The following HOPX variants were observed in gnomAD, a reference collection of about 807,000 sequenced individuals.
The protein encoded by HOPX is HOP homeobox, also known as homeodomain-only protein.
Under a neutral mutation model 11.8 loss-of-function variants are expected in HOPX, and 5 were observed. The ratio of observed to expected loss-of-function variants is 0.43; its 90% CI spans 0.22 to 0.89. The LOEUF is 0.89. Among genes scored for constraint, HOPX ranks in the 40% least tolerant of loss-of-function variants. The probability of loss-of-function intolerance (pLI) is 0.28; values close to 1 mark genes in which losing one functional copy is unlikely to be tolerated. For synonymous variants in HOPX, 49 were observed against 49.7 expected (o/e 0.99, Z 0.06); for missense variants, 119 against 120.0 (o/e 0.99, Z 0.04).
intron 1 of HOPX, among the ~76,000 whole-genome samples, chr4:56,660,930 T>C (rs903459943): frequency 7.9e-5 from 12 of 152,164 alleles, no homozygotes; most frequent in African/African-American, 2.4e-4. Context: ...CTGAATTTTG[T>C]GTTAATCATT....
chr4:56,655,723 G>A (rs1717627359), intron 3 of HOPX, 134 bp downstream of exon 3: 3 of 1,065,756 alleles, frequency 2.8e-6, no homozygotes, highest in Admixed American at 2.4e-5. Flanking sequence ...GGGCCCCTGG[G>A]ATGCGGGCAG....
rs1719037829 is a variant in HOPX, at chr4:56,676,773, C to A, written c.-84+4482G>T. Among the ~76,000 whole-genome samples, 4 of 151,792 alleles carry A rather than the reference C, an allele frequency of 2.6e-5. No homozygotes were observed. The South Asian group carries it at 8.3e-4, about 31-fold the overall frequency. On this transcript the variant is annotated intron_variant, in intron 1 of 3. Coordinates refer to ENST00000420433, the MANE Select transcript of HOPX (RefSeq NM_032495.6). ...AATGTGTCCTCTGGCTGCAGGGCTGCTCTGGGCTCCGACTGCCTGCAGACT... is the reference window on the plus strand; with the variant it reads ...AATGTGTCCTCTGGCTGCAGGGCTGATCTGGGCTCCGACTGCCTGCAGACT...
chr4:56,664,926 T>C (rs1718349509), intron 1 of HOPX: 1 of 152,188 alleles, frequency 6.6e-6, no homozygotes, highest in Admixed American at 6.5e-5. Flanking sequence ...GAGATTGTCA[T>C]GGCCTATGAG....
At chr4:56,666,186 C>T (rs1371259959) in intron 1 of HOPX, among the ~76,000 whole-genome samples, 11 of 152,220 alleles carry the variant, frequency 7.2e-5, no homozygotes, top group Non-Finnish European at 1.0e-4. Context: ...CTTCCCCACA[C>T]GCTCTTCTTC....
rs1371450365 is a variant in HOPX, at chr4:56,657,799, G to A, written c.18C>T (p.Gly6=). 2 of 1,370,728 alleles carry A rather than the reference G, an allele frequency of 1.5e-6. No homozygotes were observed. The highest frequency in any genetic ancestry group is 2.0e-6 in the Non-Finnish European group (2 of 981,782). The allele number at this position is 1,370,728 out of a possible 1,614,324, so 84.9% of individuals were successfully genotyped here. MLIFL[G]CYRRRLEERA... is the part of the protein sequence containing the mutation. Reference sequence around the variant, plus strand: ...CCTCTTCCAGTCTTCTTCTGTAACAGCCCAGGAAAATGAGCATAGGAAGAC... The same window carrying A: ...CCTCTTCCAGTCTTCTTCTGTAACAACCCAGGAAAATGAGCATAGGAAGAC... The change falls in exon 2 of 4, where the codon GGC becomes GGT. Residue 6 remains glycine, a synonymous_variant. Coordinates refer to ENST00000420433, the MANE Select transcript of HOPX (RefSeq NM_032495.6).
chr4:56,677,211 A>G (rs1468074427), intron 1 of HOPX, among the ~76,000 whole-genome samples: 1 of 151,822 alleles, frequency 6.6e-6, no homozygotes, highest in Non-Finnish European at 1.5e-5. Flanking sequence ...TGCATTGACA[A>G]AAAATGGACT....
intron 1 of HOPX, among the ~76,000 whole-genome samples, chr4:56,670,969 C>T (rs1718703315): frequency 6.6e-6 from 1 of 150,970 alleles, no homozygotes; most frequent in African/African-American, 2.4e-5. Flanking sequence ...TGCACTCCAG[C>T]CTGGGTGAAA....
At chr4:56,650,997 A>G (rs919020331) in intron 3 of HOPX, 2 of 504,142 alleles carry the variant, frequency 4.0e-6, no homozygotes, top group Admixed American at 7.4e-5. Flanking sequence ...CAAGGATGCA[A>G]GGTCTGATTA....
At chr4:56,659,542 G>T (rs1189841752) in intron 1 of HOPX, 1 of 151,964 alleles carries the variant, frequency 6.6e-6, no homozygotes, top group Non-Finnish European at 1.5e-5. Flanking sequence ...ACAAGAGCTG[G>T]AAGGAGAGAG....
chr4:56,681,553 GC>G, upstream of HOPX: 1 of 1,000,148 alleles, frequency 1.0e-6, no homozygotes, highest in Non-Finnish European at 1.2e-6. Flanking sequence ...CTCTCTCCTA[GC>G]CAAGCAAGCT....
At position 56,655,919 on chromosome 4, in the gene HOPX, G is replaced by A; in HGVS notation, c.136C>T (p.Pro46Ser). The A allele has an allele frequency of 6.2e-7, 1 of 1,612,048 alleles. No individual in the cohort carries two copies. The highest frequency in any genetic ancestry group is 1.1e-5 in the South Asian group (1 of 90,472). ...ATGAGGCACAGCGTGGTGGAATCCG[G>A]GTGCTTGTCGACCTTGTTGAAGTTG... ...EYNFNKVDKH[P>S]DSTTLCLIAA... The change falls in exon 3 of 4, where the codon CCG (proline) becomes TCG (serine). Residue 46 changes from proline (P) to serine (S), a missense_variant. Transcript: ENST00000420433.
At chr4:56,660,987 T>A (rs1718084973) in intron 1 of HOPX, among the ~76,000 whole-genome samples, 1 of 152,182 alleles carries the variant, frequency 6.6e-6, no homozygotes, top group African/African-American at 2.4e-5. Context: ...AGGGTCTCGC[T>A]GTCACCCTCA....
At chr4:56,676,035 GC>G (rs2109552583) in intron 1 of HOPX, among the ~76,000 whole-genome samples, 1 of 151,878 alleles carries the variant, frequency 6.6e-6, no homozygotes, top group South Asian at 2.1e-4. Flanking sequence ...GGTGGCTCAT[GC>G]CTGTAATGGC....
chr4:56,676,750 T>C (rs1719036376), intron 1 of HOPX, among the ~76,000 whole-genome samples: 1 of 151,574 alleles, frequency 6.6e-6, no homozygotes, highest in Admixed American at 6.6e-5. Flanking sequence ...GCTGTCACAA[T>C]GTGTCCTCTG....
At chr4:56,659,010 T>A (rs1717948040) in intron 1 of HOPX, 1 of 152,254 alleles carries the variant, frequency 6.6e-6, no homozygotes, top group East Asian at 1.9e-4. Flanking sequence ...TCATTTATTT[T>A]AAAAATATCT....
At chr4:56,656,491 TC>T in intron 2 of HOPX, 1 of 279,210 alleles carries the variant, frequency 3.6e-6, no homozygotes, top group Non-Finnish European at 4.2e-6. Flanking sequence ...CTAGCCGGCC[TC>T]CGGCCTCCCC....
chr4:56,658,763 C>T (rs1040105351), intron 1 of HOPX, among the ~76,000 whole-genome samples: 1 of 152,220 alleles, frequency 6.6e-6, no homozygotes, highest in Non-Finnish European at 1.5e-5. Context: ...TTTAAAGCTA[C>T]TCAGACGTTA....
chr4:56,669,710 G>A (rs1023497136), intron 1 of HOPX, among the ~76,000 whole-genome samples: 1 of 150,848 alleles, frequency 6.6e-6, no homozygotes, highest in Non-Finnish European at 1.5e-5. Flanking sequence ...AATAACACCA[G>A]TACAACAGGC....
intron 1 of HOPX, among the ~76,000 whole-genome samples, chr4:56,666,960 TAA>T (rs1718472823): frequency 6.6e-6 from 1 of 152,364 alleles, no homozygotes; most frequent in African/African-American, 2.4e-5. Flanking sequence ...TGAAATTTAA[TAA>T]GTTATTTAAA....
Sources: gnomAD v4.1 joint callset for allele counts (sites outside exome capture counted in the v4.1 genomes callset) on GRCh38, gnomAD v4.1.1 for gene constraint, MANE v1.5 for transcripts, NCBI Gene and HGNC (gene_info 2026-07-23, HGNC 2026-07-21) for gene names.